MCF2L: variants seen among roughly 807,000 people sequenced by gnomAD.
The protein encoded by MCF2L is MCF.2 cell line derived transforming sequence like.
In MCF2L, 97 loss-of-function variants were observed where a neutral mutation model predicts 153.4. That is an observed-to-expected ratio of 0.63 (90% CI 0.54 to 0.75). The LOEUF (loss-of-function observed/expected upper bound fraction) is 0.75. Ranked by LOEUF, MCF2L falls within the 30% of genes least tolerant of loss-of-function variation. MCF2L has a pLI of 0.00. For synonymous variants in MCF2L, 659 were observed against 632.2 expected (o/e 1.04, Z -0.64); for missense variants, 1,347 against 1,495.2 (o/e 0.90, Z 1.64).
rs1031745115 is a variant in MCF2L, at chr13:113,035,533, C to A, written c.279-9738C>A. On this transcript the variant is annotated intron_variant, in intron 3 of 29. Transcript: ENST00000535094. This position sits in a 1 kb window ranked among gnomAD's most constrained non-coding sequence, Gnocchi z 4.4. ...TGATCCCTCAGGGGTCCTGTCTCCC[C>A]TCCTCTGGCCCCCTCCCTGGCTCCT... 3.3e-5 allele frequency among the ~76,000 whole-genome samples: 5 copies of A among 152,196 alleles called. No individual in the cohort carries two copies. The highest frequency in any genetic ancestry group is 1.2e-4 in the African/African-American group (5 of 41,444).
upstream of MCF2L, chr13:112,968,705 G>T: frequency 7.1e-7 from 1 of 1,411,848 alleles, no homozygotes; most frequent in Non-Finnish European, 9.2e-7. Flanking sequence ...CTGCCACGGG[G>T]CGGCCGGAGG....
rs577100123 is a variant in MCF2L, at chr13:112,915,226, G to A, written c.169+12855G>A. On this transcript the variant is annotated intron_variant, in intron 2 of 29. Coordinates refer to the MCF2L transcript ENST00000375608. The stretch of plus-strand genomic sequence containing the variant: ...AGATCGAGACCACCCTGGCTAACAC[G>A]GTGAAATCCTATCTCTACTAAAAAT... Among the ~76,000 whole-genome samples, 16 of 151,660 alleles carry A rather than the reference G, an allele frequency of 1.1e-4. 1 individual carries two copies. The highest frequency in any genetic ancestry group is 1.7e-4 in the African/African-American group (7 of 41,220).
chr13:112,938,172 G>T (rs1380872272), intron 2 of MCF2L, among the ~76,000 whole-genome samples: 99 of 137,082 alleles, frequency 7.2e-4, no homozygotes, highest in African/African-American at 2.3e-3. Flanking sequence ...TGAGGGGTTG[G>T]TTCAGGTGAG....
intron 2 of MCF2L, among the ~76,000 whole-genome samples, chr13:112,926,978 T>G (rs920691937): frequency 4.6e-5 from 7 of 152,252 alleles, no homozygotes; most frequent in African/African-American, 1.7e-4. Flanking sequence ...TGTGCATACA[T>G]ACTTCAGACC....
intron 4 of MCF2L, among the ~76,000 whole-genome samples, chr13:113,058,342 G>C (rs1391279794): frequency 6.8e-6 from 1 of 147,344 alleles, no homozygotes; most frequent in Non-Finnish European, 1.5e-5. Context: ...TGCTGAGTGG[G>C]TGCTGTGTGT....
chr13:112,973,224 G>C (rs558374412), intron 1 of MCF2L, among the ~76,000 whole-genome samples: 7 of 152,148 alleles, frequency 4.6e-5, no homozygotes, highest in African/African-American at 1.7e-4. Context: ...AGTGATTGGC[G>C]TCTCCTCAAG....
Position 113,064,888 on chromosome 13 carries a change from G to A in MCF2L, c.607-48G>A. 1 of 1,574,722 alleles carries A rather than the reference G, an allele frequency of 6.4e-7. No homozygotes were observed. The highest frequency in any genetic ancestry group is 8.6e-7 in the Non-Finnish European group (1 of 1,157,514). The stretch of plus-strand genomic sequence containing the variant: ...GTGTCTGCTTTCAGGGCAGCAGGAG[G>A]TGGGTGCAGTGCACAAGGCATGCAA... On this transcript the variant is annotated intron_variant, in intron 6 of 29. Coordinates refer to ENST00000535094, the MANE Select transcript of MCF2L (RefSeq NM_001112732.3). The surrounding 1 kb of genome is among the most constrained non-coding windows in gnomAD (Gnocchi z 6.0).
At chr13:113,051,191 T>G (rs2087291587) in intron 4 of MCF2L, among the ~76,000 whole-genome samples, 2 of 152,280 alleles carry the variant, frequency 1.3e-5, no homozygotes, top group South Asian at 4.1e-4. Context: ...CAAATGCGTT[T>G]CAGCGCACCC....
rs1284025013 is a variant in MCF2L at position 112,960,769 on chromosome 13, TGGGCTCATG to T, written c.170-53992_170-53984del. Among the ~76,000 whole-genome samples, 1 of 152,156 alleles carries T rather than the reference TGGGCTCATG, an allele frequency of 6.6e-6. No individual in the cohort carries two copies. Among genetic ancestry groups the T allele is most frequent in the African/African-American group, 2.4e-5 (1 of 41,430 alleles). ...CAGCCCCAGGTGCTGCCTGCATTCC[TGGGCTCATG>T]GCCGCACCACCCAGACCCTTACATC... On this transcript the variant is annotated intron_variant, in intron 2 of 29. Coordinates refer to the MCF2L transcript ENST00000375608. This position sits in a 1 kb window ranked among gnomAD's most constrained non-coding sequence, Gnocchi z 4.2.
Position 112,969,282 on chromosome 13 carries a change from C to T in MCF2L, c.-98C>T. On this transcript the variant is annotated 5_prime_UTR_variant, in exon 1 of 30. Transcript: ENST00000535094. This position sits in a 1 kb window ranked among gnomAD's most constrained non-coding sequence, Gnocchi z 4.8. The stretch of plus-strand genomic sequence containing the variant: ...AGCGCTGCCGTGGCCCCCTCCCCGC[C>T]TCCGCCGCGCCCCCTCCGCACTCGC... 6.6e-7 allele frequency: 1 copy of T among 1,505,266 alleles called. No homozygotes were observed. The highest frequency in any genetic ancestry group is 8.9e-7 in the Non-Finnish European group (1 of 1,120,288). The allele number at this position is 1,505,266 out of a possible 1,614,324, so 93.2% of individuals were successfully genotyped here.
At position 113,044,684 on chromosome 13, in the gene MCF2L, G is replaced by A. The variant is rs115084082; in HGVS notation, c.279-587G>A. ...ACTACCAGGCTCATCCGAGGACGGA[G>A]GCTGTCGTTATACAACGCGCAAGTG... On this transcript the variant is annotated intron_variant, in intron 3 of 29. Coordinates refer to ENST00000535094, the MANE Select transcript of MCF2L (RefSeq NM_001112732.3). 8.2e-4 allele frequency: 1,317 copies of A among 1,612,726 alleles called. 7 individuals carry two copies. The African/African-American group carries it at 0.016, about 19-fold the overall frequency.
chr13:112,902,490 G>A lies in MCF2L; in HGVS notation c.169+119G>A, dbSNP rs1428138068. On this transcript the variant is annotated intron_variant, in intron 2 of 29. Transcript: ENST00000375608. ...TTGACAAGGTTTAGATCCTGGGAAT[G>A]CATGACCCCCCAGGTAGCAGGCTGT... The A allele has an allele frequency of 4.8e-6, 5 of 1,051,114 alleles. No homozygotes were observed. In the East Asian group the frequency reaches 1.3e-4, roughly 28 times the overall value. The allele number at this position is 1,051,114 out of a possible 1,614,324, so 65.1% of individuals were successfully genotyped here.
In MCF2L at chr13:113,064,232, T is replaced by A; in HGVS notation, c.490-72T>A. The A allele has an allele frequency of 3.5e-6, 4 of 1,140,274 alleles. No homozygotes were observed. The highest frequency in any genetic ancestry group is 5.3e-6 in the Non-Finnish European group (4 of 754,698). The allele number at this position is 1,140,274 out of a possible 1,614,324, so 70.6% of individuals were successfully genotyped here. A position where few individuals can be genotyped will look rare whatever the true frequency, so the allele number is the denominator to read the frequency against. ...GTCCTCTCTGTGCTGCTGGGTGTTCTGCTGATGGGGCAGCTCTTTTGGGAG... is the reference window on the plus strand; with the variant it reads ...GTCCTCTCTGTGCTGCTGGGTGTTCAGCTGATGGGGCAGCTCTTTTGGGAG... On this transcript the variant is annotated intron_variant, in intron 5 of 29. Coordinates refer to ENST00000535094, the MANE Select transcript of MCF2L (RefSeq NM_001112732.3). The surrounding 1 kb of genome is among the most constrained non-coding windows in gnomAD (Gnocchi z 6.0).
At chr13:113,057,380 A>ACTGAGTGTTTGGGTG (rs911876039) in intron 4 of MCF2L, among the ~76,000 whole-genome samples, 2 of 98,498 alleles carry the variant, frequency 2.0e-5, no homozygotes, top group African/African-American at 4.0e-5. Flanking sequence ...CTGTTTGGGC[A>ACTGAGTGTTTGGGTG]CTGAGTGTTT....
chr13:112,928,511 G>A (rs2081430584), intron 2 of MCF2L, among the ~76,000 whole-genome samples: 1 of 152,124 alleles, frequency 6.6e-6, no homozygotes, highest in Non-Finnish European at 1.5e-5. Flanking sequence ...CTATCTAAAT[G>A]GAAAGGAACT....
intron 2 of MCF2L, among the ~76,000 whole-genome samples, chr13:112,920,950 G>A (rs959581639): frequency 4.6e-5 from 7 of 151,762 alleles, no homozygotes; most frequent in Admixed American, 2.0e-4. Context: ...GGCGGATCAC[G>A]AGGTCAGGAG....
chr13:113,046,482 A>G lies in MCF2L; in HGVS notation c.369+1121A>G. On this transcript the variant is annotated intron_variant, in intron 4 of 29. Transcript: ENST00000535094. This position sits in a 1 kb window ranked among gnomAD's most constrained non-coding sequence, Gnocchi z 4.4. The stretch of plus-strand genomic sequence containing the variant: ...CTTTCCTGGGTCCCGCGTTCAGACT[A>G]CCTTTGGGTTCCCCAGCCTCTCGGT... 3.9e-6 allele frequency: 2 copies of G among 513,384 alleles called. No individual in the cohort carries two copies. Among genetic ancestry groups the G allele is most frequent in the South Asian group, 1.4e-5 (1 of 70,012 alleles). 31.8% of individuals were successfully genotyped at this position (513,384 alleles called of 1,614,324 possible). A position where few individuals can be genotyped will look rare whatever the true frequency, so the allele number is the denominator to read the frequency against.
intron 2 of MCF2L, among the ~76,000 whole-genome samples, chr13:112,920,200 G>A (rs551780929): frequency 3.9e-5 from 6 of 152,318 alleles, no homozygotes; most frequent in African/African-American, 7.2e-5. Flanking sequence ...AAGAGCTCAC[G>A]TATGGGTACA....
chr13:112,981,081 G>A (rs1342313170), intron 1 of MCF2L, among the ~76,000 whole-genome samples: 1 of 151,256 alleles, frequency 6.6e-6, no homozygotes, highest in South Asian at 2.1e-4. Flanking sequence ...CCTGTGCACT[G>A]GGGACCCCGA....
Sources: gnomAD v4.1 joint callset for allele counts (sites outside exome capture counted in the v4.1 genomes callset) on GRCh38, gnomAD v4.1.1 for gene constraint, Gnocchi (gnomAD v3.1) non-coding constraint, MANE v1.5 for transcripts, NCBI Gene and HGNC (gene_info 2026-07-23, HGNC 2026-07-21) for gene names.